The following CACNA1B variants were observed in gnomAD, a reference collection of about 807,000 sequenced individuals.
CACNA1B encodes calcium voltage-gated channel subunit alpha1 B.
A neutral mutation model predicts 247.2 loss-of-function variants in CACNA1B; 70 were observed. The observed-to-expected ratio is 0.28, with a 90% CI of 0.23 to 0.35. CACNA1B has a LOEUF of 0.35. Ranked by LOEUF, CACNA1B falls within the 10% of genes least tolerant of loss-of-function variation. The pLI is 1.00. For synonymous variants in CACNA1B, 1,231 were observed against 1,294.4 expected, an observed-to-expected ratio of 0.95 and a Z score of 1.05; for missense variants, 2,367 against 3,197.4, an observed-to-expected ratio of 0.74 and a Z score of 6.26.
chr9:138,035,180 C>T (rs1332097524), intron 20 of CACNA1B, among the ~76,000 whole-genome samples: 1 of 152,220 alleles, frequency 6.6e-6, no homozygotes, highest in Non-Finnish European at 1.5e-5. Context: ...GACCGCTGGC[C>T]GGGCACAGTG....
chr9:138,033,199 C>G (rs1959005561), intron 20 of CACNA1B, among the ~76,000 whole-genome samples: 1 of 152,188 alleles, frequency 6.6e-6, no homozygotes. Context: ...ATTTCAGTCA[C>G]TGTATTTTTC....
chr9:137,886,463 G>A (rs1225284096), intron 3 of CACNA1B, among the ~76,000 whole-genome samples: 1 of 150,870 alleles, frequency 6.6e-6, no homozygotes, highest in East Asian at 2.2e-4. Flanking sequence ...CCAGCCAGGT[G>A]GGCAGCCCTG....
Position 137,939,880 on chromosome 9 carries a change from A to C in CACNA1B, c.967-12394A>C, listed in dbSNP as rs1796835802. 2.0e-5 allele frequency among the ~76,000 whole-genome samples: 3 copies of C among 151,908 alleles called. No individual in the cohort carries two copies. The South Asian group carries it at 6.2e-4, about 31-fold the overall frequency. On this transcript the variant is annotated intron_variant, in intron 6 of 46. Transcript: ENST00000371372. Reference sequence around the variant, plus strand: ...AATAAAATTCTTCGAACTGAATGACAGTAGTGACGCAACCTACCAAAACCT... The same window carrying C: ...AATAAAATTCTTCGAACTGAATGACCGTAGTGACGCAACCTACCAAAACCT...
rs1957390637 is a variant in CACNA1B, at chr9:137,914,525, C to G, written c.623-129C>G. 1.4e-6 allele frequency: 1 copy of G among 729,112 alleles called. No homozygotes were observed. The highest frequency in any genetic ancestry group is 2.3e-6 in the Non-Finnish European group (1 of 439,892). The allele number at this position is 729,112 out of a possible 1,614,324, so 45.2% of individuals were successfully genotyped here. A position where few individuals can be genotyped will look rare whatever the true frequency, so the allele number is the denominator to read the frequency against. ...AGGGGCTTCAGCTCTATCCTTTGCC[C>G]TTGCAAGCACTCACTGCTTAGCACC... On this transcript the variant is annotated intron_variant, in intron 4 of 46. Transcript: ENST00000371372. The surrounding 1 kb of genome is among the most constrained non-coding windows in gnomAD (Gnocchi z 4.3).
chr9:137,981,894 C>G (rs1420537393), intron 12 of CACNA1B, among the ~76,000 whole-genome samples: 1 of 152,222 alleles, frequency 6.6e-6, no homozygotes, highest in Non-Finnish European at 1.5e-5. Flanking sequence ...CCTGCAGACC[C>G]TGATGTGCAG....
At position 138,023,625 on chromosome 9, in the gene CACNA1B, G is replaced by A. The variant is rs1401053764; in HGVS notation, c.2882G>A (p.Gly961Asp). The A allele has an allele frequency of 2.0e-5, 25 of 1,241,458 alleles. No individual in the cohort carries two copies. The highest frequency in any genetic ancestry group is 4.0e-5 in the East Asian group (1 of 25,266). The allele number at this position is 1,241,458 out of a possible 1,614,324, so 76.9% of individuals were successfully genotyped here. Reference protein sequence around the residue: ...KGERRARHRGGPRAGPREAES... With the variant: ...KGERRARHRGDPRAGPREAES... Reference sequence around the variant, plus strand: ...GAGCGGCGCGCGCGGCACCGCGGCGGCCCCCGAGCGGGGCCCCGGGAGGCG... The same window carrying A: ...GAGCGGCGCGCGCGGCACCGCGGCGACCCCCGAGCGGGGCCCCGGGAGGCG... The change falls in exon 19 of 47, where the codon GGC becomes GAC. Residue 961 changes from glycine to aspartate, a missense_variant. This residue lies in a region of CACNA1B where 631 missense variants were observed against 631.1 expected (regional missense o/e 1.00). Transcript: ENST00000371372.
At chr9:137,935,211 T>A (rs1252983344) in intron 6 of CACNA1B, among the ~76,000 whole-genome samples, 1 of 152,190 alleles carries the variant, frequency 6.6e-6, no homozygotes, top group Non-Finnish European at 1.5e-5. Context: ...CGTTAACTCA[T>A]CATTTACATT....
intron 15 of CACNA1B, among the ~76,000 whole-genome samples, chr9:138,000,764 C>T (rs1178831205): frequency 3.9e-5 from 6 of 152,136 alleles, no homozygotes; most frequent in African/African-American, 9.7e-5. Context: ...ACCTGAATAT[C>T]GCCCAACACG....
chr9:137,979,654 A>G (rs1394898316), intron 12 of CACNA1B, among the ~76,000 whole-genome samples: 1 of 152,036 alleles, frequency 6.6e-6, no homozygotes, highest in Non-Finnish European at 1.5e-5. Flanking sequence ...TATCCTTCCC[A>G]TTGTAAAACA....
At chr9:137,970,108 T>C (rs1344543175) in intron 10 of CACNA1B, among the ~76,000 whole-genome samples, 1 of 151,922 alleles carries the variant, frequency 6.6e-6, no homozygotes, top group Admixed American at 6.5e-5. Flanking sequence ...CCTGCTCTTT[T>C]GTGCCACTGA....
Position 138,073,508 on chromosome 9 carries a change from C to G in CACNA1B, c.4695C>G (p.Ser1565Arg). ...TGCAGAACAATTTCATCAACCTCAGCTTCCTCCGCCTCTTTCGAGCTGCGC... is the reference window on the plus strand; with the variant it reads ...TGCAGAACAATTTCATCAACCTCAGGTTCCTCCGCCTCTTTCGAGCTGCGC... ...IAETNNFINL[S>R]FLRLFRAARL... The change falls in exon 33 of 47, where the codon AGC (serine) becomes AGG (arginine). Residue 1565 changes from serine (S) to arginine (R), a missense_variant. By Grantham distance (110) the Ser-to-Arg change is moderately radical. Around this residue, in one of 12 missense-constraint regions of CACNA1B, gnomAD observed 436 missense variants for 679.5 expected, o/e 0.64. Transcript: ENST00000371372. The surrounding 1 kb of genome is among the most constrained non-coding windows in gnomAD (Gnocchi z 6.4). 1 of 1,612,000 alleles carries G rather than the reference C, an allele frequency of 6.2e-7. No individual in the cohort carries two copies.
chr9:137,954,891 A>T lies in CACNA1B; in HGVS notation c.1071-807A>T, dbSNP rs912149789. ...GTGTGTGTGTGTGTGAGAGAGAGAG[A>T]GAGAGAGAGAGGGGGAGAGAGAGAG... On this transcript the variant is annotated intron_variant, in intron 7 of 46. Transcript: ENST00000371372. The surrounding 1 kb of genome is among the most constrained non-coding windows in gnomAD (Gnocchi z 4.1). Among the ~76,000 whole-genome samples, 313 of 92,944 alleles carry T rather than the reference A, an allele frequency of 3.4e-3. 3 individuals carry two copies. The highest frequency in any genetic ancestry group is 0.023 in the East Asian group (31 of 1,366). The allele number at this position is 92,944 out of a possible 152,430, so 61.0% of individuals were successfully genotyped here. A position where few individuals can be genotyped will look rare whatever the true frequency, so the allele number is the denominator to read the frequency against.
At chr9:137,908,866 C>T (rs959815039) in intron 3 of CACNA1B, among the ~76,000 whole-genome samples, 4 of 152,018 alleles carry the variant, frequency 2.6e-5, no homozygotes, top group South Asian at 4.2e-4. Flanking sequence ...CTCCTGACCT[C>T]GTGATCCGTC....
chr9:137,921,220 G>A (rs1248802287), intron 6 of CACNA1B, among the ~76,000 whole-genome samples: 4 of 152,234 alleles, frequency 2.6e-5, no homozygotes, highest in Admixed American at 2.6e-4. Flanking sequence ...AAGAGATGGG[G>A]CTGGAGCTTT....
In CACNA1B at chr9:138,059,774, G is replaced by A. The variant is rs773082165; in HGVS notation, c.4668+37G>A. The A allele has an allele frequency of 2.3e-6, 3 of 1,280,214 alleles. No individual in the cohort carries two copies. The highest frequency in any genetic ancestry group is 3.4e-6 in the Non-Finnish European group (3 of 875,914). The allele number at this position is 1,280,214 out of a possible 1,614,324, so 79.3% of individuals were successfully genotyped here. A position where few individuals can be genotyped will look rare whatever the true frequency, so the allele number is the denominator to read the frequency against. ...TTCTGTCCCTCCTTCAGGGTCCCCA[G>A]GTGGTTTCCTTCTAGAGCCTGCTCC... is the stretch of plus-strand genomic sequence containing the variant. On this transcript the variant is annotated intron_variant, in intron 31 of 46. Transcript: ENST00000371372. This position sits in a 1 kb window ranked among gnomAD's most constrained non-coding sequence, Gnocchi z 4.2.
intron 10 of CACNA1B, among the ~76,000 whole-genome samples, chr9:137,958,090 C>T (rs1363432697): frequency 6.6e-6 from 1 of 152,078 alleles, no homozygotes; most frequent in African/African-American, 2.4e-5. Flanking sequence ...GGCCTTGCTT[C>T]ATTTTGAGAC....
chr9:137,908,507 CTCCGTCT>C, intron 3 of CACNA1B, among the ~76,000 whole-genome samples: 1 of 152,000 alleles, frequency 6.6e-6, no homozygotes. Flanking sequence ...CAGAGTGAGA[CTCCGTCT>C]CAAAAGAAAA....
At position 138,124,298 on chromosome 9, in the gene CACNA1B, A is replaced by T. The variant is rs779924486; in HGVS notation, c.*2299A>T. 3.3e-5 allele frequency: 5 copies of T among 152,200 alleles called. No individual in the cohort carries two copies. The highest frequency in any genetic ancestry group is 7.3e-5 in the Non-Finnish European group (5 of 68,040). 9.4% of individuals were successfully genotyped at this position (152,200 alleles called of 1,614,324 possible). ...GTAACATATATACATATATACATATATACAAGTATGTGCATGATAATGTAT... is the reference window on the plus strand; with the variant it reads ...GTAACATATATACATATATACATATTTACAAGTATGTGCATGATAATGTAT... On this transcript the variant is annotated 3_prime_UTR_variant, in exon 47 of 47. Transcript: ENST00000371372.
At chr9:137,926,156 GC>G (rs1265286796) in intron 6 of CACNA1B, among the ~76,000 whole-genome samples, 6 of 140,792 alleles carry the variant, frequency 4.3e-5, no homozygotes, top group Non-Finnish European at 7.6e-5. Flanking sequence ...TGCAAGCTCT[GC>G]CCCCTGGATT....
Sources: allele counts gnomAD v4.1 joint callset (sites outside exome capture counted in the v4.1 genomes callset), GRCh38; gene constraint gnomAD v4.1.1; regional missense constraint gnomAD v4.1.1; non-coding constraint Gnocchi (gnomAD v3.1); transcripts MANE v1.5; gene names NCBI Gene and HGNC (gene_info 2026-07-23, HGNC 2026-07-21).